EBF1: variants seen among roughly 807,000 people sequenced by gnomAD.
EBF1 encodes the protein EBF transcription factor 1.
EBF1 carries 10 observed loss-of-function variants against 68.4 expected under a neutral mutation model. That is an observed-to-expected ratio of 0.15 (90% CI 0.09 to 0.25). The LOEUF (loss-of-function observed/expected upper bound fraction) is 0.25. EBF1 is among the 10% of genes least tolerant of loss of function. The pLI is 1.00. For synonymous variants in EBF1, 298 were observed against 299.8 expected (o/e 0.99, Z 0.06); for missense variants, 509 against 794.4 (o/e 0.64, Z 4.32).
At chr5:158,797,005 C>T (rs1020689786) in intron 8 of EBF1, among the ~76,000 whole-genome samples, 9 of 152,166 alleles carry the variant, frequency 5.9e-5, no homozygotes, top group Non-Finnish European at 8.8e-5. Context: ...AAAATCATTA[C>T]GATTTTTTTT....
In EBF1 at chr5:159,099,374, C is replaced by G. The variant is rs368048570; in HGVS notation, c.105G>C (p.Gly35=). ...NAVRTWMQGA[G]VLDANTAAQS... ...GCGCCGCCGTGTTGGCGTCCAGCACCCCGGCGCCCTGCATCCACGTCCGCA... is the reference window on the plus strand; with the variant it reads ...GCGCCGCCGTGTTGGCGTCCAGCACGCCGGCGCCCTGCATCCACGTCCGCA... Residue 35 remains glycine (G), a synonymous_variant, in exon 1 of 16, where the codon GGG becomes GGC. Transcript: ENST00000313708. 40 of 1,597,142 alleles carry G rather than the reference C, an allele frequency of 2.5e-5. No individual in the cohort carries two copies. Among genetic ancestry groups the G allele is most frequent in the Non-Finnish European group, 3.3e-5 (39 of 1,172,486 alleles).
At chr5:158,874,796 A>G (rs1797504958) in intron 6 of EBF1, among the ~76,000 whole-genome samples, 1 of 152,178 alleles carries the variant, frequency 6.6e-6, no homozygotes, top group African/African-American at 2.4e-5. Flanking sequence ...AAAAAAGGCC[A>G]GTGTTTTACA....
intron 10 of EBF1, among the ~76,000 whole-genome samples, chr5:158,773,595 C>A (rs988815039): frequency 6.6e-6 from 1 of 152,012 alleles, no homozygotes; most frequent in African/African-American, 2.4e-5. Flanking sequence ...CCTGGTGTCC[C>A]ATTCTTTCAG....
At chr5:158,950,886 G>A (rs558051785) in intron 6 of EBF1, among the ~76,000 whole-genome samples, 3 of 152,278 alleles carry the variant, frequency 2.0e-5, no homozygotes, top group South Asian at 2.1e-4. Flanking sequence ...ATGCAAGCCC[G>A]GGCTACTTAG....
intron 6 of EBF1, among the ~76,000 whole-genome samples, chr5:158,907,191 C>G (rs1804829247): frequency 6.6e-6 from 1 of 152,172 alleles, no homozygotes; most frequent in African/African-American, 2.4e-5. Context: ...AGCAGTCACT[C>G]TAATGGGGAC....
chr5:159,025,639 T>C (rs1269869216), intron 6 of EBF1, among the ~76,000 whole-genome samples: 2 of 152,250 alleles, frequency 1.3e-5, no homozygotes, highest in East Asian at 3.8e-4. Flanking sequence ...GTGGAACTAA[T>C]AGCAGCCTTT....
At chr5:159,099,202 C>T in intron 1 of EBF1, 143 bp downstream of exon 1, 1 of 567,302 alleles carries the variant, frequency 1.8e-6, no homozygotes, top group Non-Finnish European at 2.6e-6. Flanking sequence ...GCGCGGAGCC[C>T]CGGCGGAGAG....
intron 10 of EBF1, among the ~76,000 whole-genome samples, chr5:158,735,736 C>T (rs1765040910): frequency 6.6e-6 from 1 of 152,124 alleles, no homozygotes; most frequent in Non-Finnish European, 1.5e-5. Context: ...TTTATTCTGG[C>T]TTTATGTTGG....
intron 7 of EBF1, among the ~76,000 whole-genome samples, chr5:158,838,940 G>A (rs527482742): frequency 2.0e-4 from 30 of 152,276 alleles, no homozygotes; most frequent in African/African-American, 5.8e-4. Flanking sequence ...GCAACTCAAA[G>A]TGTGGGCGGT....
At chr5:158,849,677 G>C (rs755451268) in intron 6 of EBF1, among the ~76,000 whole-genome samples, 12 of 152,186 alleles carry the variant, frequency 7.9e-5, no homozygotes, top group Non-Finnish European at 1.5e-4. Flanking sequence ...ATACACAGCT[G>C]ACTTAAACTA....
chr5:159,012,090 C>T (rs1764780605), intron 6 of EBF1, among the ~76,000 whole-genome samples: 1 of 152,032 alleles, frequency 6.6e-6, no homozygotes, highest in South Asian at 2.1e-4. Flanking sequence ...AGTTCAAGAC[C>T]AACCTGGCCA....
At chr5:159,025,353 A>C (rs1367294261) in intron 6 of EBF1, among the ~76,000 whole-genome samples, 1 of 152,192 alleles carries the variant, frequency 6.6e-6, no homozygotes, top group Non-Finnish European at 1.5e-5. Flanking sequence ...GGGGCTGTTG[A>C]TGTGTCCAAG....
chr5:158,737,160 G>GT (rs1029923693), intron 10 of EBF1, among the ~76,000 whole-genome samples: 103 of 150,062 alleles, frequency 6.9e-4, no homozygotes, highest in African/African-American at 2.4e-3. Flanking sequence ...ACAGAAAGCT[G>GT]TAACTTTCTG....
At chr5:158,844,503 A>G (rs1370265659) in intron 6 of EBF1, among the ~76,000 whole-genome samples, 1 of 152,182 alleles carries the variant, frequency 6.6e-6, no homozygotes, top group African/African-American at 2.4e-5. Flanking sequence ...GAACTCTAGG[A>G]TTTTATAAGT....
chr5:158,709,612 C>G (rs1758712687), intron 14 of EBF1, among the ~76,000 whole-genome samples: 1 of 152,208 alleles, frequency 6.6e-6, no homozygotes, highest in South Asian at 2.1e-4. Context: ...GAAAATGACC[C>G]CTTCTAATCA....
intron 10 of EBF1, among the ~76,000 whole-genome samples, chr5:158,774,638 A>G (rs1774686362): frequency 6.6e-6 from 1 of 152,132 alleles, no homozygotes. Context: ...TACATTTGCA[A>G]TGATCTGAGC....
At chr5:159,087,289 T>TAC (rs370590811) in intron 4 of EBF1, among the ~76,000 whole-genome samples, 2,130 of 141,406 alleles carry the variant, frequency 0.015, 40 homozygotes, top group African/African-American at 0.042. Context: ...TATATATATA[T>TAC]ACACATATAT....
intron 14 of EBF1, among the ~76,000 whole-genome samples, chr5:158,708,467 C>T (rs1452738174): frequency 6.6e-6 from 1 of 152,110 alleles, no homozygotes; most frequent in Non-Finnish European, 1.5e-5. Flanking sequence ...GGAAAATGAC[C>T]CCTGGTCATC....
chr5:158,725,578 G>GCTAA lies in EBF1; in HGVS notation c.1125+5487_1125+5490dup, dbSNP rs566113272. ...AACATGAAGACAGCAGATGACTTAA[G>GCTAA]CTAAGCTTGCAAAGCAAAAGGCTGC... On this transcript the variant is annotated intron_variant, in intron 11 of 15. Coordinates refer to ENST00000313708, the MANE Select transcript of EBF1 (RefSeq NM_024007.5). Among the ~76,000 whole-genome samples, 91 of 152,350 alleles carry GCTAA rather than the reference G, an allele frequency of 6.0e-4. 1 individual carries two copies. Among genetic ancestry groups the GCTAA allele is most frequent in the African/African-American group, 2.2e-3 (90 of 41,582 alleles).
Sources: allele counts gnomAD v4.1 joint callset (sites outside exome capture counted in the v4.1 genomes callset), GRCh38; gene constraint gnomAD v4.1.1; transcripts MANE v1.5; gene names NCBI Gene and HGNC (gene_info 2026-07-23, HGNC 2026-07-21).